The following RAPGEF5 variants were observed in gnomAD, a reference collection of about 807,000 sequenced individuals.
The protein encoded by RAPGEF5 is Rap guanine nucleotide exchange factor 5.
RAPGEF5 carries 65 observed loss-of-function variants against 125.2 expected under a neutral mutation model. The ratio of observed to expected loss-of-function variants is 0.52; its 90% CI spans 0.43 to 0.64. The LOEUF is 0.64. Among genes scored for constraint, RAPGEF5 ranks in the 30% least tolerant of loss-of-function variants. The pLI is 0.00. For synonymous variants in RAPGEF5, 391 were observed against 385.9 expected (o/e 1.01, Z -0.16); for missense variants, 958 against 1,048.1 (o/e 0.91, Z 1.19).
chr7:22,138,324 C>A (rs567681575), intron 21 of RAPGEF5, among the ~76,000 whole-genome samples: 1 of 152,216 alleles, frequency 6.6e-6, no homozygotes, highest in Non-Finnish European at 1.5e-5. Flanking sequence ...CGTACTACAG[C>A]TGCTCTTTCA....
intron 5 of RAPGEF5, among the ~76,000 whole-genome samples, chr7:22,292,041 T>C (rs916619308): frequency 6.6e-6 from 1 of 152,196 alleles, no homozygotes; most frequent in Admixed American, 6.5e-5. Flanking sequence ...TAAAATTGTC[T>C]CCAAGATCTA....
chr7:22,227,840 GCAAT>G (rs1395018720), intron 8 of RAPGEF5, among the ~76,000 whole-genome samples: 2 of 152,022 alleles, frequency 1.3e-5, no homozygotes, highest in African/African-American at 2.4e-5. Flanking sequence ...AGACCCTGTT[GCAAT>G]CAATCAATCA....
chr7:22,179,120 T>C (rs1213812973), intron 11 of RAPGEF5, among the ~76,000 whole-genome samples: 1 of 152,208 alleles, frequency 6.6e-6, no homozygotes, highest in African/African-American at 2.4e-5. Flanking sequence ...AGACCAAGTA[T>C]GTATTTCTTA....
At chr7:22,349,764 C>T (rs886811054) in intron 1 of RAPGEF5, among the ~76,000 whole-genome samples, 19 of 152,158 alleles carry the variant, frequency 1.2e-4, no homozygotes, top group Admixed American at 9.2e-4. Flanking sequence ...GTTTTAGACA[C>T]GATATTGCAG....
At chr7:22,340,542 G>A (rs1031322969) in intron 1 of RAPGEF5, among the ~76,000 whole-genome samples, 15 of 152,330 alleles carry the variant, frequency 9.8e-5, no homozygotes, top group Non-Finnish European at 1.3e-4. Flanking sequence ...TAGACTGGAG[G>A]TGAAAACAAG....
intron 8 of RAPGEF5, among the ~76,000 whole-genome samples, chr7:22,222,986 A>G (rs1250896508): frequency 7.9e-5 from 12 of 152,004 alleles, no homozygotes; most frequent in Admixed American, 7.9e-4. Flanking sequence ...GGGGGGAGGC[A>G]GGGGTTGATC....
chr7:22,206,719 A>G, intron 9 of RAPGEF5, among the ~76,000 whole-genome samples: 1 of 151,954 alleles, frequency 6.6e-6, no homozygotes, highest in Admixed American at 6.6e-5. Context: ...TCTGAGTGAA[A>G]AGTGCAACTC....
At chr7:22,283,870 T>C (rs1043431302) in intron 6 of RAPGEF5, among the ~76,000 whole-genome samples, 1 of 152,202 alleles carries the variant, frequency 6.6e-6, no homozygotes, top group African/African-American at 2.4e-5. Context: ...CATTTACATC[T>C]TTCTGAACAC....
intron 5 of RAPGEF5, among the ~76,000 whole-genome samples, chr7:22,302,528 A>G (rs1366739004): frequency 1.3e-5 from 2 of 152,100 alleles, no homozygotes; most frequent in Non-Finnish European, 2.9e-5. Context: ...CTGGCTGCCT[A>G]TCCACTCGCA....
At chr7:22,272,976 T>C (rs10238496) in intron 6 of RAPGEF5, among the ~76,000 whole-genome samples, 4 of 151,684 alleles carry the variant, frequency 2.6e-5, no homozygotes, top group African/African-American at 9.7e-5. Context: ...TCCAGGCTGA[T>C]CTTGAACCCC....
At chr7:22,142,680 A>T (rs1783302867) in intron 20 of RAPGEF5, among the ~76,000 whole-genome samples, 1 of 152,246 alleles carries the variant, frequency 6.6e-6, no homozygotes, top group Non-Finnish European at 1.5e-5. Context: ...TCATTCCACG[A>T]TAAGAACAGA....
chr7:22,154,444 A>G lies in RAPGEF5; in HGVS notation c.1786+11T>C. On this transcript the variant is annotated intron_variant, in intron 17 of 25. Transcript: ENST00000665637. ...TGAAAGATTAATATTCAAGGGTAGA[A>G]AACAACTTACCCCCAGAGAATGTGA... 1 of 1,613,084 alleles carries G rather than the reference A, an allele frequency of 6.2e-7. No homozygotes were observed. The highest frequency in any genetic ancestry group is 1.7e-4 in the Middle Eastern group (1 of 6,036).
chr7:22,237,397 CT>C (rs1562776156), intron 7 of RAPGEF5, among the ~76,000 whole-genome samples: 1 of 147,524 alleles, frequency 6.8e-6, no homozygotes, highest in African/African-American at 2.5e-5. Flanking sequence ...GAAATTGACC[CT>C]TCTGGTCTTA....
chr7:22,298,842 T>C (rs897587658), intron 5 of RAPGEF5: 1 of 152,228 alleles, frequency 6.6e-6, no homozygotes, highest in Non-Finnish European at 1.5e-5. Flanking sequence ...GTAGTTAATG[T>C]CTTTCAAAGA....
At chr7:22,275,428 A>G (rs2128143556) in intron 6 of RAPGEF5, among the ~76,000 whole-genome samples, 1 of 152,322 alleles carries the variant, frequency 6.6e-6, no homozygotes, top group South Asian at 2.1e-4. Context: ...TAGGGGGAAC[A>G]TGATCATTAA....
intron 6 of RAPGEF5, among the ~76,000 whole-genome samples, chr7:22,286,172 C>G (rs1322777270): frequency 6.6e-6 from 1 of 152,154 alleles, no homozygotes; most frequent in Non-Finnish European, 1.5e-5. Context: ...AATTCCCCCC[C>G]ACCACCACCG....
At chr7:22,292,389 C>A (rs138954443) in intron 5 of RAPGEF5, among the ~76,000 whole-genome samples, 2 of 152,324 alleles carry the variant, frequency 1.3e-5, no homozygotes, top group Non-Finnish European at 2.9e-5. Context: ...ACTGCCTTTA[C>A]AAAAATTGCA....
In RAPGEF5 at chr7:22,266,995, T is replaced by G. The variant is rs757905663; in HGVS notation, c.765A>C (p.Ala255=). ...TCCTTGCTTTCAAAGCAATAACAGC[T>G]GCTAGCTCTCTCTGCACCTAATAAA... ...RLTSAVQREL[A]AVIALKARKS... is the part of the protein sequence containing the mutation. The change falls in exon 7 of 26, where the codon GCA becomes GCC. Residue 255 remains alanine, a synonymous_variant. Coordinates refer to ENST00000665637, the MANE Select transcript of RAPGEF5 (RefSeq NM_012294.5). 1.2e-6 allele frequency: 2 copies of G among 1,610,802 alleles called. No individual in the cohort carries two copies. The highest frequency in any genetic ancestry group is 4.5e-5 in the East Asian group (2 of 44,788).
intron 12 of RAPGEF5, among the ~76,000 whole-genome samples, chr7:22,165,210 CA>C (rs1784124486): frequency 6.6e-6 from 1 of 152,014 alleles, no homozygotes; most frequent in African/African-American, 2.4e-5. Flanking sequence ...GTCAAAGACT[CA>C]AAACATATAT....
Sources: gnomAD v4.1 joint callset for allele counts (sites outside exome capture counted in the v4.1 genomes callset) on GRCh38, gnomAD v4.1.1 for gene constraint, MANE v1.5 for transcripts, NCBI Gene and HGNC (gene_info 2026-07-23, HGNC 2026-07-21) for gene names.